The following KCNQ5 variants were observed in gnomAD, a reference collection of about 807,000 sequenced individuals.
The protein encoded by KCNQ5 is potassium voltage-gated channel subfamily KQT member 5.
In KCNQ5, 30 loss-of-function variants were observed where a neutral mutation model predicts 98.2. That is an observed-to-expected ratio of 0.31 (90% CI 0.23 to 0.41). KCNQ5 has a LOEUF of 0.41. KCNQ5 is among the 10% of genes least tolerant of loss of function. KCNQ5 has a pLI of 1.00. For synonymous variants in KCNQ5, 458 were observed against 449.4 expected (o/e 1.02, Z -0.24); for missense variants, 835 against 1,182.5 (o/e 0.71, Z 4.31).
intron 1 of KCNQ5, among the ~76,000 whole-genome samples, chr6:72,854,195 G>A (rs566613426): frequency 1.8e-4 from 27 of 152,212 alleles, no homozygotes; most frequent in South Asian, 4.1e-4. Context: ...TAGTAGAAAA[G>A]CATGCTTTTA....
intron 10 of KCNQ5, among the ~76,000 whole-genome samples, chr6:73,149,199 T>C (rs887418724): frequency 1.3e-5 from 2 of 152,188 alleles, no homozygotes; most frequent in African/African-American, 4.8e-5. Context: ...GAGATGGGCA[T>C]ATCTGTTGTA....
At chr6:73,084,310 A>T (rs1055750201) in intron 5 of KCNQ5, among the ~76,000 whole-genome samples, 2 of 152,132 alleles carry the variant, frequency 1.3e-5, no homozygotes, top group African/African-American at 4.8e-5. Context: ...TTATTTATTT[A>T]ATGTTGGATT....
intron 3 of KCNQ5, among the ~76,000 whole-genome samples, chr6:73,062,359 C>T (rs1242117044): frequency 6.6e-6 from 1 of 152,214 alleles, no homozygotes; most frequent in Non-Finnish European, 1.5e-5. Flanking sequence ...CTTGTGCAGA[C>T]AGAAGGCATC....
rs186944379 is a variant in KCNQ5 at position 73,121,019 on chromosome 6, C to G, written c.1220+442C>G. 2.5e-3 allele frequency among the ~76,000 whole-genome samples: 388 copies of G among 152,232 alleles called. 6 individuals are homozygous for G. Among genetic ancestry groups the G allele is most frequent in the African/African-American group, 7.8e-3 (324 of 41,538 alleles). On this transcript the variant is annotated intron_variant, in intron 8 of 13. Transcript: ENST00000370398. ...AAGCCATTTCTCATCTGGATCCTCT[C>G]TGGATGGTCCTCAAGCTTTTACTTG...
chr6:72,672,225 C>T (rs73533683), intron 1 of KCNQ5, among the ~76,000 whole-genome samples: 109 of 151,516 alleles, frequency 7.2e-4, no homozygotes, highest in African/African-American at 2.5e-3. Flanking sequence ...AAGGTATCCT[C>T]ATGCCTCAGC....
At chr6:73,026,774 A>C (rs1413186793) in intron 2 of KCNQ5, among the ~76,000 whole-genome samples, 1 of 152,158 alleles carries the variant, frequency 6.6e-6, no homozygotes, top group African/African-American at 2.4e-5. Flanking sequence ...CACTGTTCTA[A>C]GCACTGTAAA....
chr6:73,181,304 C>T (rs80074927), intron 11 of KCNQ5, among the ~76,000 whole-genome samples: 2 of 152,222 alleles, frequency 1.3e-5, no homozygotes, highest in Admixed American at 6.5e-5. Context: ...AGGAGACTAA[C>T]CTTAGAGGTC....
chr6:72,842,726 C>G (rs568144612), intron 1 of KCNQ5, among the ~76,000 whole-genome samples: 117 of 152,188 alleles, frequency 7.7e-4, no homozygotes, highest in Non-Finnish European at 1.5e-3. Context: ...TTGCATTTCT[C>G]TAATGACTAG....
chr6:72,871,133 A>G (rs1325981261), intron 1 of KCNQ5, among the ~76,000 whole-genome samples: 5 of 152,188 alleles, frequency 3.3e-5, no homozygotes, highest in Admixed American at 2.0e-4. Context: ...CACTGCCTCA[A>G]TATTATCACC....
chr6:72,841,400 T>C (rs976747206), intron 1 of KCNQ5, among the ~76,000 whole-genome samples: 2 of 152,156 alleles, frequency 1.3e-5, no homozygotes, highest in Non-Finnish European at 2.9e-5. Flanking sequence ...CCTTTCCTTA[T>C]TACGTCATAG....
intron 1 of KCNQ5, among the ~76,000 whole-genome samples, chr6:72,866,430 A>G (rs1431497917): frequency 6.6e-6 from 1 of 151,128 alleles, no homozygotes. Context: ...AATTTTTTGT[A>G]TTTAGTAGAG....
intron 2 of KCNQ5, among the ~76,000 whole-genome samples, chr6:73,030,539 A>C (rs112943504): frequency 6.6e-6 from 1 of 152,340 alleles, no homozygotes; most frequent in African/African-American, 2.4e-5. Context: ...AAAAATAAAT[A>C]ATCTTAGGTA....
intron 10 of KCNQ5, among the ~76,000 whole-genome samples, chr6:73,154,194 A>G (rs984529502): frequency 6.6e-6 from 1 of 152,124 alleles, no homozygotes; most frequent in African/African-American, 2.4e-5. Context: ...TTATTATAGC[A>G]TTATCTTTTA....
At chr6:72,889,357 C>A (rs1040277066) in intron 1 of KCNQ5, among the ~76,000 whole-genome samples, 5 of 152,126 alleles carry the variant, frequency 3.3e-5, no homozygotes, top group African/African-American at 9.7e-5. Context: ...CACTGGGAAG[C>A]TTTGATCAGA....
At chr6:73,049,240 G>T (rs1772106497) in intron 3 of KCNQ5, among the ~76,000 whole-genome samples, 2 of 152,194 alleles carry the variant, frequency 1.3e-5, no homozygotes, top group South Asian at 4.1e-4. Flanking sequence ...AATGTACTGT[G>T]CAGGAGGAGA....
chr6:73,078,499 C>A (rs1773630022), intron 5 of KCNQ5, among the ~76,000 whole-genome samples: 2 of 152,098 alleles, frequency 1.3e-5, no homozygotes, highest in South Asian at 4.2e-4. Context: ...TCATTTAACT[C>A]ATTTTAAAAG....
chr6:72,673,002 A>G lies in KCNQ5; in HGVS notation c.398+50415A>G, dbSNP rs1371848361. ...GTGAGCTAATACTGATGACCAGACT[A>G]GGAGAGTTCAGCATGAGTTATTTAG... On this transcript the variant is annotated intron_variant, in intron 1 of 13. Coordinates refer to ENST00000370398, the MANE Select transcript of KCNQ5 (RefSeq NM_019842.4). Among the ~76,000 whole-genome samples, 5 of 152,334 alleles carry G rather than the reference A, an allele frequency of 3.3e-5. No individual in the cohort carries two copies. The South Asian group carries it at 1.0e-3, about 32-fold the overall frequency.
intron 1 of KCNQ5, among the ~76,000 whole-genome samples, chr6:72,711,591 T>G (rs1454566847): frequency 6.6e-6 from 1 of 152,144 alleles, no homozygotes; most frequent in Non-Finnish European, 1.5e-5. Flanking sequence ...GCCTTTATCC[T>G]AAAGGGCTGA....
chr6:72,938,602 C>T (rs1439861414), intron 1 of KCNQ5, among the ~76,000 whole-genome samples: 1 of 151,982 alleles, frequency 6.6e-6, no homozygotes, highest in Non-Finnish European at 1.5e-5. Context: ...TTAGGCTGGT[C>T]TCAAACTCCT....
Sources: allele counts gnomAD v4.1 joint callset (sites outside exome capture counted in the v4.1 genomes callset), GRCh38; gene constraint gnomAD v4.1.1; transcripts MANE v1.5; gene names NCBI Gene and HGNC (gene_info 2026-07-23, HGNC 2026-07-21).